The following AGBL1 variants were observed in gnomAD, a reference collection of about 807,000 sequenced individuals.
AGBL1 encodes the protein cytosolic carboxypeptidase 4.
Under a neutral mutation model 118.9 loss-of-function variants are expected in AGBL1, and 130 were observed. That is an observed-to-expected ratio of 1.09 (90% CI 0.95 to 1.26). The LOEUF (loss-of-function observed/expected upper bound fraction) is 1.26. AGBL1 is among the 50% of genes most tolerant of loss of function. The pLI is 0.00. For synonymous variants in AGBL1, 555 were observed against 478.9 expected (o/e 1.16, Z -2.08); for missense variants, 1,584 against 1,298.1 (o/e 1.22, Z -3.38).
At chr15:86,419,258 C>A (rs1214025302) in intron 18 of AGBL1, among the ~76,000 whole-genome samples, 1 of 151,796 alleles carries the variant, frequency 6.6e-6, no homozygotes, top group Non-Finnish European at 1.5e-5. Flanking sequence ...AACCGAGGTA[C>A]CTAGCTCATC....
chr15:86,895,040 C>T (rs187571528), intron 22 of AGBL1, among the ~76,000 whole-genome samples: 210 of 152,128 alleles, frequency 1.4e-3, no homozygotes, highest in South Asian at 2.9e-3. Context: ...ATATCCATCC[C>T]CTTTTGTTCC....
chr15:86,391,658 TTTTTTTTG>T, intron 17 of AGBL1, among the ~76,000 whole-genome samples: 1 of 145,262 alleles, frequency 6.9e-6, no homozygotes, highest in African/African-American at 2.6e-5. Flanking sequence ...TTTTTTTTTT[TTTTTTTTG>T]TGGTGCTTCC....
At chr15:86,532,928 A>G (rs1364342486) in intron 19 of AGBL1, among the ~76,000 whole-genome samples, 1 of 83,416 alleles carries the variant, frequency 1.2e-5, no homozygotes, top group Non-Finnish European at 2.2e-5. Flanking sequence ...CTGAAACTGG[A>G]TCCCTTCCTT....
At chr15:86,146,968 A>G (rs1466790532) in intron 3 of AGBL1, among the ~76,000 whole-genome samples, 1 of 152,216 alleles carries the variant, frequency 6.6e-6, no homozygotes, top group Non-Finnish European at 1.5e-5. Context: ...AAGAAACAGG[A>G]TGATTTAGAC....
chr15:86,264,902 G>T (rs527364811), intron 11 of AGBL1, 64 bp downstream of exon 11: 16 of 1,368,620 alleles, frequency 1.2e-5, no homozygotes, highest in Non-Finnish European at 7.9e-6. Context: ...TAAGTAAAAT[G>T]GTTTGTACAG....
At chr15:86,882,518 C>T (rs1388079653) in intron 22 of AGBL1, among the ~76,000 whole-genome samples, 5 of 152,100 alleles carry the variant, frequency 3.3e-5, no homozygotes, top group Non-Finnish European at 5.9e-5. Context: ...ATAAATCACT[C>T]ACCTTTTTAA....
chr15:86,687,659 G>C lies in AGBL1; in HGVS notation c.3158+13223G>C, dbSNP rs2086083940. On this transcript the variant is annotated intron_variant, in intron 22 of 22. Transcript: ENST00000614907. ...ATGAGTGCCATAAGAGTAAAGCATAGGCTAAGTTAGTTCCACAAGTTGCTA... is the reference window on the plus strand; with the variant it reads ...ATGAGTGCCATAAGAGTAAAGCATACGCTAAGTTAGTTCCACAAGTTGCTA... Among the ~76,000 whole-genome samples the C allele has an allele frequency of 2.0e-5, 3 of 152,132 alleles. No individual in the cohort carries two copies. In the South Asian group the frequency reaches 6.2e-4, roughly 32 times the overall value.
chr15:86,114,587 AC>A (rs2141555810), intron 1 of AGBL1, among the ~76,000 whole-genome samples: 1 of 152,302 alleles, frequency 6.6e-6, no homozygotes, highest in South Asian at 2.1e-4. Context: ...AACCTCTAAA[AC>A]AAAAAGAAGT....
At chr15:86,568,888 AT>A (rs933805442) in intron 21 of AGBL1, among the ~76,000 whole-genome samples, 6 of 152,148 alleles carry the variant, frequency 3.9e-5, no homozygotes, top group African/African-American at 9.7e-5. Flanking sequence ...GTTCCCAGAA[AT>A]TTTTTTAATG....
At chr15:87,014,149 C>T (rs1596741392) in intron 24 of AGBL1, among the ~76,000 whole-genome samples, 1 of 152,130 alleles carries the variant, frequency 6.6e-6, no homozygotes, top group South Asian at 2.1e-4. Context: ...ATGATATAGC[C>T]CAGAAATGTT....
At chr15:86,995,128 C>G (rs8028575) in intron 24 of AGBL1, among the ~76,000 whole-genome samples, 2 of 152,050 alleles carry the variant, frequency 1.3e-5, no homozygotes, top group African/African-American at 4.8e-5. Context: ...TGGCTCACAC[C>G]TGTAATCCCA....
chr15:86,390,660 A>ATTTCTTTTTTT (rs2081263682), intron 17 of AGBL1, among the ~76,000 whole-genome samples: 1 of 75,474 alleles, frequency 1.3e-5, no homozygotes, highest in Non-Finnish European at 2.4e-5. Context: ...ATACTGTATG[A>ATTTCTTTTTTT]TTTTTTTTTT....
intron 5 of AGBL1, among the ~76,000 whole-genome samples, chr15:86,160,531 G>C (rs1933330835): frequency 6.6e-6 from 1 of 152,082 alleles, no homozygotes; most frequent in Non-Finnish European, 1.5e-5. Context: ...TGTCCATTTG[G>C]ACATATATAT....
chr15:86,716,157 T>C (rs530381287), intron 22 of AGBL1, among the ~76,000 whole-genome samples: 1 of 152,218 alleles, frequency 6.6e-6, no homozygotes, highest in Non-Finnish European at 1.5e-5. Flanking sequence ...TAAAGTGTGC[T>C]AGGGATTTCT....
chr15:87,031,094 A>C (rs761229090), downstream of AGBL1, among the ~76,000 whole-genome samples: 4 of 151,992 alleles, frequency 2.6e-5, no homozygotes, highest in Non-Finnish European at 4.4e-5. Flanking sequence ...TCCCACTACA[A>C]TATCTTGGGC....
chr15:86,644,465 C>G (rs1002849110), intron 21 of AGBL1, among the ~76,000 whole-genome samples: 1 of 152,154 alleles, frequency 6.6e-6, no homozygotes, highest in African/African-American at 2.4e-5. Context: ...AGGTCAGCTT[C>G]CTGCTTCTAT....
intron 21 of AGBL1, among the ~76,000 whole-genome samples, chr15:86,660,345 CA>C (rs932288562): frequency 2.0e-5 from 3 of 151,994 alleles, no homozygotes; most frequent in Non-Finnish European, 4.4e-5. Flanking sequence ...CATTTATAAA[CA>C]AACATACAAA....
intron 22 of AGBL1, among the ~76,000 whole-genome samples, chr15:86,760,142 T>A (rs1207893606): frequency 1.3e-5 from 2 of 152,228 alleles, no homozygotes; most frequent in African/African-American, 4.8e-5. Context: ...GTCTTTTTAG[T>A]ATTAAGAGAA....
At chr15:86,344,651 A>T (rs141406676) in intron 17 of AGBL1, among the ~76,000 whole-genome samples, 1 of 151,936 alleles carries the variant, frequency 6.6e-6, no homozygotes, top group East Asian at 2.0e-4. Flanking sequence ...TTTTCTGAGC[A>T]TCTCTGGGTA....
Sources: allele counts gnomAD v4.1 joint callset (sites outside exome capture counted in the v4.1 genomes callset), GRCh38; gene constraint gnomAD v4.1.1; transcripts MANE v1.5; gene names NCBI Gene and HGNC (gene_info 2026-07-23, HGNC 2026-07-21).